CDK5RAP2: variants seen among roughly 807,000 people sequenced by gnomAD.
The protein encoded by CDK5RAP2 is CDK5 regulatory subunit associated protein 2, also known as CDK5 regulatory subunit-associated protein 2.
In CDK5RAP2, 147 loss-of-function variants were observed where a neutral mutation model predicts 232.9. The ratio of observed to expected loss-of-function variants is 0.63; its 90% confidence interval spans 0.55 to 0.72. CDK5RAP2 has a LOEUF of 0.72. CDK5RAP2 is among the 30% of genes least tolerant of loss of function. The pLI, the probability that CDK5RAP2 is intolerant of heterozygous loss-of-function variation, is 0.00. For synonymous variants in CDK5RAP2, 833 were observed against 833.7 expected, an observed-to-expected ratio of 1.00 and a Z score of 0.01; for missense variants, 2,195 against 2,231.5, an observed-to-expected ratio of 0.98 and a Z score of 0.33.
At chr9:120,561,438 A>T (rs2042461318) in intron 3 of CDK5RAP2, among the ~76,000 whole-genome samples, 1 of 152,098 alleles carries the variant, frequency 6.6e-6, no homozygotes, top group African/African-American at 2.4e-5. Context: ...CTGGGACCAC[A>T]AGCACACATC....
At chr9:120,426,225 A>G (rs1372475504) in intron 25 of CDK5RAP2, among the ~76,000 whole-genome samples, 2 of 152,228 alleles carry the variant, frequency 1.3e-5, no homozygotes, top group Non-Finnish European at 2.9e-5. Context: ...ACAGATCTCA[A>G]CCAGTTTTGG....
intron 12 of CDK5RAP2, among the ~76,000 whole-genome samples, chr9:120,499,680 G>A (rs948282375): frequency 2.0e-5 from 3 of 152,078 alleles, no homozygotes; most frequent in Non-Finnish European, 4.4e-5. Context: ...CAATTCTGGA[G>A]AAGGAAAGAA....
rs141607691 is a variant in CDK5RAP2 at position 120,439,443 on chromosome 9, C to A, written c.3678G>T (p.Glu1226Asp). 7.4e-6 allele frequency: 12 copies of A among 1,614,076 alleles called. No homozygotes were observed. The highest frequency in any genetic ancestry group is 1.3e-5 in the African/African-American group (1 of 74,932). Residue 1226 changes from glutamate to aspartate, a missense_variant, in exon 24 of 38, where the codon GAG (glutamate) becomes GAT (aspartate). Physicochemically the swap from Glu to Asp is conservative, Grantham distance 45 (BLOSUM62 2). Coordinates refer to ENST00000349780, the MANE Select transcript of CDK5RAP2 (RefSeq NM_018249.6). ...TGAACTTATTCTGCAGATTATGGAT[C>A]TCACTGAAAAGTTGCATGTTCAAAT... is the stretch of plus-strand genomic sequence containing the variant. Reference protein sequence around the residue: ...EQNLNMQLFSEIHNLQNKFRD... With the variant: ...EQNLNMQLFSDIHNLQNKFRD...
chr9:120,407,533 A>T, intron 31 of CDK5RAP2: 1 of 460,968 alleles, frequency 2.2e-6, no homozygotes, highest in South Asian at 2.2e-5. Flanking sequence ...AGTAGTAATA[A>T]AATCTATTTG....
chr9:120,558,598 C>T (rs2042336155), intron 3 of CDK5RAP2, among the ~76,000 whole-genome samples: 1 of 152,098 alleles, frequency 6.6e-6, no homozygotes, highest in Non-Finnish European at 1.5e-5. Context: ...ATCATCTTCT[C>T]CCCTGTTCAC....
chr9:120,536,275 G>T, intron 7 of CDK5RAP2, 97 bp downstream of exon 7: 1 of 1,345,934 alleles, frequency 7.4e-7, no homozygotes, highest in Admixed American at 1.7e-5. Flanking sequence ...GGAAACATGG[G>T]GAGAAGGGAG....
chr9:120,567,571 C>T (rs995505237), intron 3 of CDK5RAP2, among the ~76,000 whole-genome samples: 13 of 152,100 alleles, frequency 8.5e-5, no homozygotes, highest in Admixed American at 3.9e-4. Flanking sequence ...GGGAAAATAA[C>T]CTTATTTTCC....
rs556875282 is a variant in CDK5RAP2 at position 120,510,999 on chromosome 9, G to A, written c.1311+7428C>T. The stretch of plus-strand genomic sequence containing the variant: ...AATTACAACACATGCTGAGTCAACC[G>A]GCACTAGGTCACTGCAATCACAGGC... On this transcript the variant is annotated intron_variant, in intron 12 of 37. Coordinates refer to ENST00000349780, the MANE Select transcript of CDK5RAP2 (RefSeq NM_018249.6). Among the ~76,000 whole-genome samples the A allele has an allele frequency of 3.3e-5, 5 of 152,264 alleles. No homozygotes were observed. In the South Asian group the frequency reaches 8.3e-4, roughly 25 times the overall value.
Position 120,550,864 on chromosome 9 carries a change from C to G in CDK5RAP2, c.234G>C (p.Lys78Asn). 1 of 1,613,268 alleles carries G rather than the reference C, an allele frequency of 6.2e-7. No homozygotes were observed. The highest frequency in any genetic ancestry group is 1.1e-5 in the South Asian group (1 of 91,058). Residue 78 changes from lysine (K) to asparagine (N), a missense_variant, in exon 4 of 38, where the codon AAG becomes AAC. Physicochemically the swap from Lys to Asn is moderately conservative, Grantham distance 94 (BLOSUM62 0). Transcript: ENST00000349780. Reference sequence around the variant, plus strand: ...TTTCCTCAAGGAAATAGATGCGGAGCTTTAGGTTAAAGTTTTCTTTCTTCA... The same window carrying G: ...TTTCCTCAAGGAAATAGATGCGGAGGTTTAGGTTAAAGTTTTCTTTCTTCA... Reference protein sequence around the residue: ...TELKKENFNLKLRIYFLEERM... With the variant: ...TELKKENFNLNLRIYFLEERM...
rs2038669791 is a variant in CDK5RAP2 at position 120,487,401 on chromosome 9, T to A, written c.1519A>T (p.Asn507Tyr). 1 of 1,613,096 alleles carries A rather than the reference T, an allele frequency of 6.2e-7. No individual in the cohort carries two copies. The highest frequency in any genetic ancestry group is 1.1e-5 in the South Asian group (1 of 90,964). The change falls in exon 14 of 38, where the codon AAC becomes TAC. Residue 507 changes from asparagine (N) to tyrosine (Y), a missense_variant. Physicochemically the swap from Asn to Tyr is moderately radical, Grantham distance 143. Coordinates refer to ENST00000349780, the MANE Select transcript of CDK5RAP2 (RefSeq NM_018249.6). ...NEKDLEVIQQNCYLMAAEDLE... is the reference protein window; with the variant it reads ...NEKDLEVIQQYCYLMAAEDLE... ...TCCTCTGCAGCCATTAAATAGCAGT[T>A]CTGCTGTATTACTTCCAAATCTTTT...
At chr9:120,478,914 G>A (rs1268821484) in intron 14 of CDK5RAP2, among the ~76,000 whole-genome samples, 2 of 152,128 alleles carry the variant, frequency 1.3e-5, no homozygotes, top group East Asian at 3.8e-4. Flanking sequence ...TGATTATGGT[G>A]ATCATTTCAC....
At chr9:120,412,151 G>A (rs933860477) in intron 28 of CDK5RAP2, among the ~76,000 whole-genome samples, 5 of 152,132 alleles carry the variant, frequency 3.3e-5, no homozygotes, top group African/African-American at 1.2e-4. Flanking sequence ...AAAAACATCT[G>A]ATGGCCCATC....
chr9:120,517,344 G>T (rs1196754621), intron 12 of CDK5RAP2, among the ~76,000 whole-genome samples: 9 of 152,016 alleles, frequency 5.9e-5, no homozygotes, highest in Non-Finnish European at 1.2e-4. Context: ...CCGGATCCTG[G>T]TGTCCCTATC....
chr9:120,469,294 CT>C (rs2037557023), intron 17 of CDK5RAP2, among the ~76,000 whole-genome samples: 1 of 152,168 alleles, frequency 6.6e-6, no homozygotes, highest in African/African-American at 2.4e-5. Flanking sequence ...GAAGCCTCCC[CT>C]GATCAGGTGA....
Position 120,545,699 on chromosome 9 carries a change from GA to G in CDK5RAP2, c.383+14del. 1 of 1,606,132 alleles carries G rather than the reference GA, an allele frequency of 6.2e-7. No homozygotes were observed. Among genetic ancestry groups the G allele is most frequent in the South Asian group, 1.1e-5 (1 of 90,888 alleles). On this transcript the variant is annotated intron_variant, in intron 5 of 37. Coordinates refer to ENST00000349780, the MANE Select transcript of CDK5RAP2 (RefSeq NM_018249.6). Reference sequence around the variant, plus strand: ...GTGGGCGACTTGCAAGCTTTCAACGGATGATGGTACTCACGAGGCTTTGATG... The same window carrying G: ...GTGGGCGACTTGCAAGCTTTCAACGGTGATGGTACTCACGAGGCTTTGATG...
chr9:120,400,807 G>GC lies in CDK5RAP2; in HGVS notation c.5385dup (p.Arg1796AlafsTer21). On this transcript the variant is annotated frameshift_variant, in exon 35 of 38. Coordinates refer to ENST00000349780, the MANE Select transcript of CDK5RAP2 (RefSeq NM_018249.6). LOFTEE classifies it high-confidence loss of function. ...GAGACTCTCCAGAGAAGCTTCAGCC[G>GC]CCTGTAGGCCTCTTCCAGGGTCAGC... The GC allele has an allele frequency of 6.2e-7, 1 of 1,614,166 alleles. No individual in the cohort carries two copies. Among genetic ancestry groups the GC allele is most frequent in the Non-Finnish European group, 8.5e-7 (1 of 1,180,022 alleles).
At chr9:120,520,980 T>C (rs184544930) in intron 11 of CDK5RAP2, among the ~76,000 whole-genome samples, 131 of 152,218 alleles carry the variant, frequency 8.6e-4, no homozygotes, top group African/African-American at 3.1e-3. Flanking sequence ...ATATGAGATA[T>C]ATCATGAGAT....
intron 12 of CDK5RAP2, among the ~76,000 whole-genome samples, chr9:120,517,415 G>A (rs1164306044): frequency 6.6e-6 from 1 of 152,144 alleles, no homozygotes; most frequent in African/African-American, 2.4e-5. Context: ...TCTAATGACT[G>A]CCTGGCCCAG....
At chr9:120,500,227 C>T (rs2039511735) in intron 12 of CDK5RAP2, among the ~76,000 whole-genome samples, 1 of 152,180 alleles carries the variant, frequency 6.6e-6, no homozygotes, top group South Asian at 2.1e-4. Context: ...CCCACTGTCA[C>T]CAACTGTTTG....
Sources: gnomAD v4.1 joint callset for allele counts (sites outside exome capture counted in the v4.1 genomes callset) on GRCh38, gnomAD v4.1.1 for gene constraint, MANE v1.5 for transcripts, NCBI Gene and HGNC (gene_info 2026-07-23, HGNC 2026-07-21) for gene names.